The following KCNIP4 variants were observed in gnomAD, a reference collection of about 807,000 sequenced individuals.
KCNIP4 encodes the protein potassium voltage-gated channel interacting protein 4, also known as Kv channel-interacting protein 4.
KCNIP4 carries 12 observed loss-of-function variants against 34.0 expected under a neutral mutation model. The observed-to-expected ratio is 0.35, with a 90% CI of 0.23 to 0.57. KCNIP4 has a LOEUF of 0.57. Among genes scored for constraint, KCNIP4 ranks in the 20% least tolerant of loss-of-function variants. The probability of loss-of-function intolerance (pLI) is 0.83; values close to 1 mark genes in which losing one functional copy is unlikely to be tolerated. For missense variants in KCNIP4, 238 were observed against 311.7 expected, an observed-to-expected ratio of 0.76 and a Z score of 1.78; for synonymous variants, 124 against 102.2, an observed-to-expected ratio of 1.21 and a Z score of -1.29.
chr4:21,556,026 G>T (rs1450946845), intron 1 of KCNIP4, among the ~76,000 whole-genome samples: 1 of 152,182 alleles, frequency 6.6e-6, no homozygotes. Flanking sequence ...GTATCTTTTG[G>T]TTTTTTGTGC....
chr4:21,676,402 G>A (rs1444913126), intron 1 of KCNIP4, among the ~76,000 whole-genome samples: 1 of 152,172 alleles, frequency 6.6e-6, no homozygotes, highest in African/African-American at 2.4e-5. Flanking sequence ...TCTTCCCTTG[G>A]AAATCCTAGT....
At chr4:21,302,944 C>T (rs966404326) in intron 1 of KCNIP4, among the ~76,000 whole-genome samples, 9 of 152,130 alleles carry the variant, frequency 5.9e-5, no homozygotes, top group Admixed American at 2.6e-4. Context: ...AACATAACTA[C>T]GTCAAACATC....
At chr4:21,519,357 C>T in intron 1 of KCNIP4, among the ~76,000 whole-genome samples, 1 of 145,502 alleles carries the variant, frequency 6.9e-6, no homozygotes, top group Non-Finnish European at 1.5e-5. Context: ...CACACACACA[C>T]ACACACACAC....
intron 1 of KCNIP4, among the ~76,000 whole-genome samples, chr4:21,276,510 A>G (rs1762451104): frequency 6.6e-6 from 1 of 151,766 alleles, no homozygotes; most frequent in African/African-American, 2.4e-5. Flanking sequence ...CAGTCTTTTC[A>G]TGTCTTTAGG....
intron 1 of KCNIP4, among the ~76,000 whole-genome samples, chr4:21,785,494 A>G (rs1265515454): frequency 6.6e-6 from 1 of 152,078 alleles, no homozygotes; most frequent in Non-Finnish European, 1.5e-5. Flanking sequence ...TGGAAGGCTG[A>G]GGCAGGAGAA....
intron 1 of KCNIP4, among the ~76,000 whole-genome samples, chr4:21,021,582 G>T (rs1740041765): frequency 6.6e-6 from 1 of 151,782 alleles, no homozygotes; most frequent in Admixed American, 6.6e-5. Flanking sequence ...ACTTTAAAAA[G>T]AAATTTTTGT....
At chr4:20,954,835 C>T (rs1172420621) in intron 1 of KCNIP4, among the ~76,000 whole-genome samples, 1 of 152,152 alleles carries the variant, frequency 6.6e-6, no homozygotes, top group Non-Finnish European at 1.5e-5. Flanking sequence ...TCCTCACATG[C>T]CATGGTTTGG....
chr4:21,092,805 C>T (rs10938829), intron 1 of KCNIP4, among the ~76,000 whole-genome samples: 6,744 of 152,262 alleles, frequency 0.044, 229 homozygotes, highest in East Asian at 0.13. Flanking sequence ...AAGAACTCAC[C>T]GGCTTGCAGC....
At chr4:20,796,241 C>T (rs1253263543) in intron 3 of KCNIP4, among the ~76,000 whole-genome samples, 4 of 152,136 alleles carry the variant, frequency 2.6e-5, no homozygotes, top group Admixed American at 6.6e-5. Flanking sequence ...TTCTGAATCT[C>T]TTAGTGGCCA....
chr4:21,635,819 G>A (rs1470347656), intron 1 of KCNIP4, among the ~76,000 whole-genome samples: 3 of 151,918 alleles, frequency 2.0e-5, no homozygotes, highest in Non-Finnish European at 4.4e-5. Context: ...AAATCATGCT[G>A]CTATAAAGAC....
intron 3 of KCNIP4, among the ~76,000 whole-genome samples, chr4:20,847,800 C>T (rs1039585382): frequency 6.6e-6 from 1 of 152,110 alleles, no homozygotes. Flanking sequence ...CAAGTGTGAC[C>T]ATTTTAATAT....
At chr4:21,879,359 A>G (rs1342857236) in intron 1 of KCNIP4, among the ~76,000 whole-genome samples, 1 of 152,142 alleles carries the variant, frequency 6.6e-6, no homozygotes, top group Non-Finnish European at 1.5e-5. Context: ...ACTCACCCCT[A>G]TCCCTCAGCA....
intron 1 of KCNIP4, among the ~76,000 whole-genome samples, chr4:20,979,618 T>A (rs1331279844): frequency 6.6e-6 from 1 of 151,992 alleles, no homozygotes; most frequent in African/African-American, 2.4e-5. Flanking sequence ...CAGGATGGTC[T>A]CCATCTCCTG....
At position 20,880,004 on chromosome 4, in the gene KCNIP4, A is replaced by G. The variant is rs78130980; in HGVS notation, c.163+2604T>C. Among the ~76,000 whole-genome samples the G allele has an allele frequency of 8.6e-3, 1,317 of 152,324 alleles. 14 individuals are homozygous for G. The highest frequency in any genetic ancestry group is 0.011 in the Non-Finnish European group (740 of 68,038). On this transcript the variant is annotated intron_variant, in intron 2 of 8. Coordinates refer to ENST00000382152, the MANE Select transcript of KCNIP4 (RefSeq NM_025221.6). ...GGCAGAGAATGGGATCAAATACAAT[A>G]TACTAGAGTTATGCAATGTAGTATT...
At chr4:21,647,271 T>C (rs1341544034) in intron 1 of KCNIP4, among the ~76,000 whole-genome samples, 3 of 152,170 alleles carry the variant, frequency 2.0e-5, no homozygotes, top group African/African-American at 7.2e-5. Context: ...AAGAATAATA[T>C]AAATAAATGT....
chr4:21,123,917 A>T (rs1443195476), intron 1 of KCNIP4, among the ~76,000 whole-genome samples: 1 of 152,202 alleles, frequency 6.6e-6, no homozygotes, highest in Non-Finnish European at 1.5e-5. Flanking sequence ...CCCTGTGCTC[A>T]GACTTCCAGC....
At chr4:21,070,494 T>C (rs1375846197) in intron 1 of KCNIP4, among the ~76,000 whole-genome samples, 1 of 151,984 alleles carries the variant, frequency 6.6e-6, no homozygotes, top group East Asian at 1.9e-4. Context: ...AATAGGTATG[T>C]AGTGATATCT....
chr4:21,640,238 T>G (rs890519487), intron 1 of KCNIP4, among the ~76,000 whole-genome samples: 1 of 152,228 alleles, frequency 6.6e-6, no homozygotes, highest in African/African-American at 2.4e-5. Context: ...CTTGGGCGAC[T>G]GAGGGCTGCC....
chr4:21,813,760 G>A (rs1721803693), intron 1 of KCNIP4, among the ~76,000 whole-genome samples: 1 of 152,104 alleles, frequency 6.6e-6, no homozygotes, highest in African/African-American at 2.4e-5. Context: ...AATGCAGTAA[G>A]GTATAATAGG....
Sources: gnomAD v4.1 joint callset for allele counts (sites outside exome capture counted in the v4.1 genomes callset) on GRCh38, gnomAD v4.1.1 for gene constraint, MANE v1.5 for transcripts, NCBI Gene and HGNC (gene_info 2026-07-23, HGNC 2026-07-21) for gene names.